Variants in SORBS2 observed in about 807,000 individuals in gnomAD.
SORBS2 encodes sorbin and SH3 domain containing 2, also known as sorbin and SH3 domain-containing protein 2.
Under a neutral mutation model 97.7 loss-of-function variants are expected in SORBS2, and 46 were observed. That is an observed-to-expected ratio of 0.47 (90% confidence interval 0.37 to 0.60). The LOEUF is 0.60. Ranked by LOEUF, SORBS2 falls within the 20% of genes least tolerant of loss-of-function variation. The pLI is 0.00. For missense variants in SORBS2, 1,316 were observed against 1,282.3 expected, an observed-to-expected ratio of 1.03 and a Z score of -0.40; for synonymous variants, 476 against 473.4, an observed-to-expected ratio of 1.01 and a Z score of -0.07.
intron 1 of SORBS2, among the ~76,000 whole-genome samples, chr4:185,793,639 T>C (rs1031207704): frequency 6.6e-6 from 1 of 152,128 alleles, no homozygotes; most frequent in African/African-American, 2.4e-5. Flanking sequence ...CCTTGTTTGG[T>C]CAATACCTCT....
In SORBS2 at chr4:185,674,626, C is replaced by G. The variant is rs190693157; in HGVS notation, c.-46+3797G>C. 1.2e-4 allele frequency among the ~76,000 whole-genome samples: 19 copies of G among 152,316 alleles called. No individual in the cohort carries two copies. The East Asian group carries it at 3.5e-3, about 28-fold the overall frequency. On this transcript the variant is annotated intron_variant, in intron 4 of 20. Transcript: ENST00000284776. ...GTAAATGTCAAAATCCTTGCAATGG[C>G]TTATAAGGCCTCCTGTCATCTGGTC... is the stretch of plus-strand genomic sequence containing the variant.
intron 2 of SORBS2, among the ~76,000 whole-genome samples, chr4:185,746,076 G>A (rs2098757991): frequency 6.6e-6 from 1 of 152,196 alleles, no homozygotes; most frequent in South Asian, 2.1e-4. Flanking sequence ...GCAGCAGGTG[G>A]CTTTTCATCA....
chr4:185,838,151 C>G (rs1203045736), intron 1 of SORBS2, among the ~76,000 whole-genome samples: 1 of 152,250 alleles, frequency 6.6e-6, no homozygotes, highest in African/African-American at 2.4e-5. Context: ...TGCATCTCCC[C>G]AGCAGGGTGT....
chr4:185,600,594 C>T (rs751965773), intron 12 of SORBS2, among the ~76,000 whole-genome samples: 2 of 152,196 alleles, frequency 1.3e-5, no homozygotes, highest in Non-Finnish European at 2.9e-5. Context: ...CTGCCTCGGG[C>T]TCCCAAAGTG....
chr4:185,923,559 C>G (rs1363166791), intron 1 of SORBS2, among the ~76,000 whole-genome samples: 1 of 146,258 alleles, frequency 6.8e-6, no homozygotes, highest in Non-Finnish European at 1.5e-5. Context: ...CTGCCTCTGC[C>G]TCCCAAAGCT....
chr4:185,678,480 T>TGCAAGAGAGGAATATGTA lies in SORBS2; in HGVS notation c.-121_-104dup. ...GTCGAACGCTTCTAAAACCTTTTGC[T>TGCAAGAGAGGAATATGTA]GCAAGAGAGGAATATGTAGCATCTC... On this transcript the variant is annotated 5_prime_UTR_variant, in exon 4 of 21. Transcript: ENST00000284776. The TGCAAGAGAGGAATATGTA allele has an allele frequency of 1.9e-6, 3 of 1,551,128 alleles. No homozygotes were observed. In the East Asian group the frequency reaches 7.3e-5, roughly 38 times the overall value.
At chr4:185,877,296 G>T (rs1424904639) in intron 1 of SORBS2, among the ~76,000 whole-genome samples, 1 of 151,756 alleles carries the variant, frequency 6.6e-6, no homozygotes, top group Non-Finnish European at 1.5e-5. Flanking sequence ...ATTAAAGGTT[G>T]TTTTTTTTAA....
intron 2 of SORBS2, among the ~76,000 whole-genome samples, chr4:185,719,939 T>C (rs2098498924): frequency 6.6e-6 from 1 of 152,230 alleles, no homozygotes; most frequent in Non-Finnish European, 1.5e-5. Context: ...TTTCCCTTGT[T>C]TTATCACCAA....
chr4:185,657,582 A>G, upstream of SORBS2: 4 of 1,589,736 alleles, frequency 2.5e-6, no homozygotes, highest in Middle Eastern at 6.7e-4. Flanking sequence ...TGCTGGGGAT[A>G]TGTGTCTGTG....
In SORBS2 at chr4:185,623,541, G is replaced by A; in HGVS notation, c.1588C>T (p.His530Tyr). Residue 530 changes from histidine to tyrosine, a missense_variant, in exon 7 of 15, where the codon CAC becomes TAC. Physicochemically the swap from His to Tyr is moderately conservative, Grantham distance 83. Coordinates refer to ENST00000418609, the Ensembl canonical transcript of SORBS2. The surrounding 1 kb of genome is among the most constrained non-coding windows in gnomAD (Gnocchi z 6.4). ...CTTTCGGAGGATGTGAAGGAAAAGT[G>A]ATCAAAGTCACTTTCACTGCAGAAG... 2 of 1,614,080 alleles carry A rather than the reference G, an allele frequency of 1.2e-6. No individual in the cohort carries two copies. The highest frequency in any genetic ancestry group is 1.7e-6 in the Non-Finnish European group (2 of 1,180,020).
At chr4:185,717,041 C>T (rs73015570) in intron 2 of SORBS2, among the ~76,000 whole-genome samples, 5,512 of 152,226 alleles carry the variant, frequency 0.036, 368 homozygotes, top group African/African-American at 0.13. Context: ...TAAAACTGTC[C>T]GAGCTTAGGA....
intron 2 of SORBS2, among the ~76,000 whole-genome samples, chr4:185,702,136 G>T (rs536016348): frequency 2.0e-5 from 3 of 152,188 alleles, no homozygotes; most frequent in Non-Finnish European, 4.4e-5. Context: ...CTAAGTCAAT[G>T]TGTTGCTATA....
At chr4:185,726,908 G>C (rs1004162708) in intron 2 of SORBS2, among the ~76,000 whole-genome samples, 2 of 152,108 alleles carry the variant, frequency 1.3e-5, no homozygotes, top group Non-Finnish European at 2.9e-5. Flanking sequence ...TTAAATAGGA[G>C]ACACATTTCT....
chr4:185,733,226 T>C (rs1403668746), intron 2 of SORBS2, among the ~76,000 whole-genome samples: 1 of 152,256 alleles, frequency 6.6e-6, no homozygotes, highest in African/African-American at 2.4e-5. Context: ...CCAGTGCTAC[T>C]TGAAGGGGTA....
chr4:185,888,038 C>T (rs1466457113), intron 1 of SORBS2, among the ~76,000 whole-genome samples: 1 of 148,388 alleles, frequency 6.7e-6, no homozygotes, highest in African/African-American at 2.5e-5. Flanking sequence ...GAAGCATAAA[C>T]TGTATGAAAC....
rs139437081 is a variant in SORBS2 at position 185,793,937 on chromosome 4, C to G, written c.-337-18571G>C. ...AAATCCATGACTGGGCCTTGGTCCC[C>G]GCAGGCTCCTGCCTGGCCTGCCCCT... On this transcript the variant is annotated intron_variant, in intron 1 of 20. Transcript: ENST00000284776. 3.5e-3 allele frequency among the ~76,000 whole-genome samples: 535 copies of G among 152,330 alleles called. 3 individuals carry two copies. The highest frequency in any genetic ancestry group is 0.012 in the African/African-American group (517 of 41,576).
chr4:185,865,107 C>T (rs745650444), intron 1 of SORBS2, among the ~76,000 whole-genome samples: 2 of 152,070 alleles, frequency 1.3e-5, no homozygotes, highest in Non-Finnish European at 2.9e-5. Context: ...TCGACATTAC[C>T]ATGGGCATCT....
chr4:185,875,176 G>A (rs934432136), intron 1 of SORBS2, among the ~76,000 whole-genome samples: 1 of 152,122 alleles, frequency 6.6e-6, no homozygotes, highest in Admixed American at 6.5e-5. Context: ...AGGAATAAAT[G>A]CAAGATATCT....
intron 14 of SORBS2, 145 bp from the exon 27 acceptor site, chr4:185,587,833 C>A: frequency 3.1e-6 from 2 of 642,086 alleles, no homozygotes; most frequent in East Asian, 2.8e-5. Flanking sequence ...CACATGAAGC[C>A]CATAGGCAGA....
Sources: allele counts gnomAD v4.1 joint callset (sites outside exome capture counted in the v4.1 genomes callset), GRCh38; gene constraint gnomAD v4.1.1; non-coding constraint Gnocchi (gnomAD v3.1); transcripts MANE v1.5; gene names NCBI Gene and HGNC (gene_info 2026-07-23, HGNC 2026-07-21).